LRRFIP2: variants seen among roughly 807,000 people sequenced by gnomAD.
LRRFIP2 encodes the protein LRR binding FLII interacting protein 2, also known as leucine-rich repeat flightless-interacting protein 2.
In LRRFIP2, 109 loss-of-function variants were observed where a neutral mutation model predicts 125.9. The ratio of observed to expected loss-of-function variants is 0.87; its 90% confidence interval spans 0.74 to 1.01. The LOEUF is 1.01. LRRFIP2 is among the 50% of genes least tolerant of loss of function. The probability of loss-of-function intolerance (pLI) is 0.00; values close to 1 mark genes in which losing one functional copy is unlikely to be tolerated. For missense variants in LRRFIP2, 850 were observed against 862.3 expected, an observed-to-expected ratio of 0.99 and a Z score of 0.18; for synonymous variants, 291 against 293.1, an observed-to-expected ratio of 0.99 and a Z score of 0.07.
At chr3:37,167,412 T>C (rs895413997) in intron 1 of LRRFIP2, among the ~76,000 whole-genome samples, 2 of 151,724 alleles carry the variant, frequency 1.3e-5, no homozygotes, top group African/African-American at 2.4e-5. Flanking sequence ...TCCCAGCACT[T>C]TGGGAGGCCG....
At position 37,109,656 on chromosome 3, in the gene LRRFIP2, G is replaced by C. The variant is rs781429278; in HGVS notation, c.561C>G (p.Asp187Glu). The C allele has an allele frequency of 4.3e-6, 7 of 1,614,066 alleles. No individual in the cohort carries two copies. In the Admixed American group the frequency reaches 6.7e-5, roughly 15 times the overall value. ...YSDPLATYKS[D>E]RASPTANSGL... The stretch of plus-strand genomic sequence containing the variant: ...ACATTCCTCAGAAAGTACTAACCCT[G>C]TCACTCTTATATGTTGCCAGAGGGT... The change falls in exon 10 of 28, where the codon GAC becomes GAG. Residue 187 changes from aspartate (D) to glutamate (E), a missense_variant. Coordinates refer to ENST00000336686, the MANE Select transcript of LRRFIP2 (RefSeq NM_006309.4).
At chr3:37,117,829 T>C (rs1286784511) in intron 6 of LRRFIP2, among the ~76,000 whole-genome samples, 1 of 152,232 alleles carries the variant, frequency 6.6e-6, no homozygotes, top group Admixed American at 6.5e-5. Flanking sequence ...TTTCCTGGGC[T>C]ACACACCATA....
chr3:37,127,268 G>A (rs1224383802), intron 4 of LRRFIP2, among the ~76,000 whole-genome samples: 1 of 152,006 alleles, frequency 6.6e-6, no homozygotes, highest in African/African-American at 2.4e-5. Context: ...CAGAGGAAAT[G>A]AAAAGAATTA....
intron 6 of LRRFIP2, among the ~76,000 whole-genome samples, chr3:37,117,501 A>C (rs1350847148): frequency 6.6e-6 from 1 of 152,198 alleles, no homozygotes; most frequent in Admixed American, 6.5e-5. Context: ...AAAGAAAAGA[A>C]AGATTCATCA....
chr3:37,063,955 G>C, intron 23 of LRRFIP2, 164 bp from the exon 24 acceptor site: 1 of 576,344 alleles, frequency 1.7e-6, no homozygotes, highest in Non-Finnish European at 3.1e-6. Context: ...TTACAGAAAA[G>C]TTCTTAACTA....
chr3:37,119,450 A>G (rs1372472814), intron 6 of LRRFIP2, among the ~76,000 whole-genome samples: 1 of 152,162 alleles, frequency 6.6e-6, no homozygotes, highest in Non-Finnish European at 1.5e-5. Context: ...TTTAAGTTAA[A>G]CAAATATATA....
In LRRFIP2 at chr3:37,166,394, T is replaced by A. The variant is rs373527998; in HGVS notation, c.-56+8145A>T. On this transcript the variant is annotated intron_variant, in intron 1 of 27. Coordinates refer to ENST00000336686, the MANE Select transcript of LRRFIP2 (RefSeq NM_006309.4). Reference sequence around the variant, plus strand: ...AAACTGTGTACATCAAAGCACACTATCAAAAAGTAAAAAGGCAAACCACGG... The same window carrying A: ...AAACTGTGTACATCAAAGCACACTAACAAAAAGTAAAAAGGCAAACCACGG... Among the ~76,000 whole-genome samples, 54 of 151,882 alleles carry A rather than the reference T, an allele frequency of 3.6e-4. 1 individual carries two copies. In the East Asian group the frequency reaches 9.9e-3, roughly 28 times the overall value.
At chr3:37,098,837 T>C (rs1326720683) in intron 15 of LRRFIP2, among the ~76,000 whole-genome samples, 4 of 152,202 alleles carry the variant, frequency 2.6e-5, no homozygotes. Context: ...CTGCCTTATC[T>C]TCCTGAGTAT....
At chr3:37,142,865 G>A (rs1485376394) in intron 2 of LRRFIP2, among the ~76,000 whole-genome samples, 4 of 152,190 alleles carry the variant, frequency 2.6e-5, no homozygotes, top group Non-Finnish European at 1.5e-5. Flanking sequence ...AAGTAAACAT[G>A]TTAAGGTGAT....
At chr3:37,078,950 A>C (rs1288606628) in intron 19 of LRRFIP2, among the ~76,000 whole-genome samples, 1 of 152,252 alleles carries the variant, frequency 6.6e-6, no homozygotes, top group Non-Finnish European at 1.5e-5. Flanking sequence ...CAAATGCTTG[A>C]ATTTATGACT....
rs545744831 is a variant in LRRFIP2, at chr3:37,103,094, A to G, written c.784-81T>C. 2.0e-3 allele frequency: 2,183 copies of G among 1,096,258 alleles called. 65 individuals are homozygous for G. The South Asian group carries it at 0.032, about 16-fold the overall frequency. 67.9% of individuals were successfully genotyped at this position (1,096,258 alleles called of 1,614,324 possible). On this transcript the variant is annotated intron_variant, in intron 14 of 27. Transcript: ENST00000336686. Reference sequence around the variant, plus strand: ...AAATAAGAACATTGGCCAATTAGGGAAAAGTTTTTTAAAATTTTGATGGGT... The same window carrying G: ...AAATAAGAACATTGGCCAATTAGGGGAAAGTTTTTTAAAATTTTGATGGGT...
intron 9 of LRRFIP2, among the ~76,000 whole-genome samples, chr3:37,110,252 G>C (rs989393330): frequency 6.6e-6 from 1 of 152,140 alleles, no homozygotes; most frequent in Non-Finnish European, 1.5e-5. Context: ...TAGATAAATT[G>C]TACTAGTCAA....
At chr3:37,147,531 C>T (rs182133256) in intron 2 of LRRFIP2, among the ~76,000 whole-genome samples, 3 of 152,248 alleles carry the variant, frequency 2.0e-5, no homozygotes, top group Admixed American at 2.0e-4. Context: ...CTTTCCTTTG[C>T]TACAAATAGC....
At chr3:37,146,711 A>G (rs957159265) in intron 2 of LRRFIP2, among the ~76,000 whole-genome samples, 1 of 152,178 alleles carries the variant, frequency 6.6e-6, no homozygotes, top group Non-Finnish European at 1.5e-5. Context: ...TATCCAGTCT[A>G]TCACTGATGG....
intron 1 of LRRFIP2, among the ~76,000 whole-genome samples, chr3:37,165,645 G>C (rs570461211): frequency 6.6e-6 from 1 of 151,688 alleles, no homozygotes; most frequent in Non-Finnish European, 1.5e-5. Context: ...CCATCTACTC[G>C]GGAGGCTGAG....
At chr3:37,074,536 G>A (rs2091754111) in intron 20 of LRRFIP2, among the ~76,000 whole-genome samples, 1 of 152,192 alleles carries the variant, frequency 6.6e-6, no homozygotes, top group Non-Finnish European at 1.5e-5. Flanking sequence ...TGCCAGCAAT[G>A]TGGCAGAGTC....
intron 2 of LRRFIP2, among the ~76,000 whole-genome samples, chr3:37,129,919 G>C (rs2095383959): frequency 6.6e-6 from 1 of 152,180 alleles, no homozygotes; most frequent in Non-Finnish European, 1.5e-5. Context: ...CTCGAACCTG[G>C]AAGGTGGAGG....
chr3:37,165,946 G>A (rs1393545623), intron 1 of LRRFIP2, among the ~76,000 whole-genome samples: 2 of 152,092 alleles, frequency 1.3e-5, no homozygotes, highest in African/African-American at 4.8e-5. Context: ...GAAAATATAT[G>A]GGAAAAACTT....
intron 2 of LRRFIP2, among the ~76,000 whole-genome samples, chr3:37,139,760 C>G (rs747682144): frequency 2.8e-4 from 43 of 152,116 alleles, no homozygotes; most frequent in Non-Finnish European, 5.1e-4. Flanking sequence ...TTGGTTCACT[C>G]TCTTCATCAT....
Sources: allele counts gnomAD v4.1 joint callset (sites outside exome capture counted in the v4.1 genomes callset), GRCh38; gene constraint gnomAD v4.1.1; transcripts MANE v1.5; gene names NCBI Gene and HGNC (gene_info 2026-07-23, HGNC 2026-07-21).